Variants in TMEM181 observed in about 807,000 individuals in gnomAD.
The protein encoded by TMEM181 is G protein-coupled receptor 178.
A neutral mutation model predicts 71.9 loss-of-function variants in TMEM181; 39 were observed. That is an observed-to-expected ratio of 0.54 (90% CI 0.42 to 0.71). The LOEUF (loss-of-function observed/expected upper bound fraction) is 0.71. Among genes scored for constraint, TMEM181 ranks in the 30% least tolerant of loss-of-function variants. The pLI, the probability that TMEM181 is intolerant of heterozygous loss-of-function variation, is 0.00. For missense variants in TMEM181, 595 were observed against 583.0 expected (o/e 1.02, Z -0.21); for synonymous variants, 245 against 228.8 (o/e 1.07, Z -0.64).
At chr6:158,602,620 T>C (rs1240462276) in intron 6 of TMEM181, among the ~76,000 whole-genome samples, 1 of 152,194 alleles carries the variant, frequency 6.6e-6, no homozygotes, top group East Asian at 1.9e-4. Context: ...TATGTACTTT[T>C]TTTTTTTTGA....
intron 1 of TMEM181, among the ~76,000 whole-genome samples, chr6:158,563,701 A>G (rs894119): frequency 0.99 from 151,127 of 152,354 alleles, 74,966 homozygotes; most frequent in East Asian, 1. Context: ...TGGGCTTGCA[A>G]TCTGGAAAGG....
chr6:158,605,421 C>G, intron 7 of TMEM181, 74 bp downstream of exon 7: 1 of 1,352,122 alleles, frequency 7.4e-7, no homozygotes, highest in Non-Finnish European at 1.1e-6. Context: ...TTAGGATCTT[C>G]GGTGCAAGCC....
chr6:158,589,860 C>T, intron 6 of TMEM181, 78 bp downstream of exon 6: 1 of 1,033,496 alleles, frequency 9.7e-7, no homozygotes, highest in Non-Finnish European at 1.5e-6. Context: ...TGAAATACAT[C>T]TCAGCATCTA....
At chr6:158,577,878 G>A (rs1783251159) in intron 2 of TMEM181, among the ~76,000 whole-genome samples, 1 of 152,118 alleles carries the variant, frequency 6.6e-6, no homozygotes, top group African/African-American at 2.4e-5. Flanking sequence ...ATCACCTGAG[G>A]TCGGGAGTTC....
rs112439066 is a variant in TMEM181 at position 158,612,418 on chromosome 6, G to A, written c.896+3668G>A. On this transcript the variant is annotated intron_variant, in intron 10 of 16. Coordinates refer to ENST00000684151, the MANE Select transcript of TMEM181 (RefSeq NM_001376852.1). The stretch of plus-strand genomic sequence containing the variant: ...TCGGATTGACTGCGGGAGCAATGCC[G>A]TCTGTAGATGTTTTGGATAGTTGTC... 2.2e-3 allele frequency among the ~76,000 whole-genome samples: 337 copies of A among 152,308 alleles called. 2 individuals carry two copies. Among genetic ancestry groups the A allele is most frequent in the African/African-American group, 7.6e-3 (314 of 41,562 alleles).
In TMEM181 at chr6:158,607,241, C is replaced by T. The variant is rs761460495; in HGVS notation, c.574-3C>T. 12 of 1,613,492 alleles carry T rather than the reference C, an allele frequency of 7.4e-6. No individual in the cohort carries two copies. Among genetic ancestry groups the T allele is most frequent in the Non-Finnish European group, 1.0e-5 (12 of 1,179,576 alleles). On this transcript the variant is annotated splice_region_variant and splice_polypyrimidine_tract_variant and intron_variant, in intron 7 of 16. Coordinates refer to ENST00000684151, the MANE Select transcript of TMEM181 (RefSeq NM_001376852.1). ...GTAACTGGAGGCCTGATTTGGTTTG[C>T]AGTGCCTGTTTGCGCATTCCCTCCG...
At chr6:158,554,912 T>C (rs567097533) in intron 1 of TMEM181, among the ~76,000 whole-genome samples, 1 of 152,222 alleles carries the variant, frequency 6.6e-6, no homozygotes, top group Admixed American at 6.5e-5. Context: ...GGTAATCTAA[T>C]GAAGATGGTG....
chr6:158,630,809 A>G (rs554577806), intron 15 of TMEM181, among the ~76,000 whole-genome samples: 122 of 152,118 alleles, frequency 8.0e-4, no homozygotes, highest in Middle Eastern at 3.4e-3. Context: ...GGAACTCTCT[A>G]GAACATAGGC....
intron 2 of TMEM181, among the ~76,000 whole-genome samples, chr6:158,579,489 A>G (rs546108171): frequency 5.9e-5 from 9 of 152,034 alleles, no homozygotes; most frequent in Non-Finnish European, 1.2e-4. Flanking sequence ...TGGGAGGGAG[A>G]GGTGTGTGGA....
chr6:158,539,420 T>C (rs918001716), intron 1 of TMEM181, among the ~76,000 whole-genome samples: 5 of 152,232 alleles, frequency 3.3e-5, no homozygotes, highest in Admixed American at 1.3e-4. Context: ...CGCATCTGTC[T>C]AGCTGGAAGG....
chr6:158,605,158 G>GTGTA, intron 6 of TMEM181, 109 bp from the exon 7 acceptor site: 1 of 571,558 alleles, frequency 1.7e-6, no homozygotes, highest in Non-Finnish European at 3.1e-6. Context: ...GTGTGTGTGT[G>GTGTA]TATGTGTATA....
intron 15 of TMEM181, 34 bp from the exon 16 acceptor site, chr6:158,631,289 T>A (rs1562318381): frequency 1.2e-6 from 2 of 1,612,606 alleles, no homozygotes; most frequent in Non-Finnish European, 1.7e-6. Context: ...TCACGTCAAT[T>A]GCTTGAGATG....
Position 158,572,834 on chromosome 6 carries a change from G to A in TMEM181, c.9-586G>A, listed in dbSNP as rs1782941827. The stretch of plus-strand genomic sequence containing the variant: ...GGTGGCACAAGGGGAACCTGAAGTT[G>A]TGGAGGACTTGGGATGTGGGCTTGT... On this transcript the variant is annotated intron_variant, in intron 1 of 16. Coordinates refer to ENST00000684151, the MANE Select transcript of TMEM181 (RefSeq NM_001376852.1). Among the ~76,000 whole-genome samples, 4 of 152,304 alleles carry A rather than the reference G, an allele frequency of 2.6e-5. No individual in the cohort carries two copies. The South Asian group carries it at 8.3e-4, about 32-fold the overall frequency.
chr6:158,582,815 C>T (rs1783552956), intron 3 of TMEM181, among the ~76,000 whole-genome samples: 1 of 152,324 alleles, frequency 6.6e-6, no homozygotes. Context: ...TCAAAAGATA[C>T]TGCAGAAGAA....
At chr6:158,582,834 A>G (rs1446915659) in intron 3 of TMEM181, among the ~76,000 whole-genome samples, 1 of 152,204 alleles carries the variant, frequency 6.6e-6, no homozygotes, top group African/African-American at 2.4e-5. Context: ...AATCACTGGC[A>G]ACATCATCAC....
At chr6:158,538,454 C>CT (rs111437459) in intron 1 of TMEM181, among the ~76,000 whole-genome samples, 93 of 143,872 alleles carry the variant, frequency 6.5e-4, no homozygotes, top group East Asian at 2.4e-3. Flanking sequence ...CATGCCTGGC[C>CT]TTTTTTTTTT....
chr6:158,619,515 C>T (rs1785828511), intron 10 of TMEM181, among the ~76,000 whole-genome samples: 2 of 152,142 alleles, frequency 1.3e-5, no homozygotes, highest in African/African-American at 2.4e-5. Flanking sequence ...CAAAGTCATT[C>T]AGAGGAAGGA....
At chr6:158,622,159 G>A (rs1785999218) in intron 10 of TMEM181, among the ~76,000 whole-genome samples, 1 of 152,192 alleles carries the variant, frequency 6.6e-6, no homozygotes. Context: ...CCTCTGGTAT[G>A]TTTTTCTCTA....
At chr6:158,571,930 G>T (rs1354162062) in intron 1 of TMEM181, among the ~76,000 whole-genome samples, 2 of 152,204 alleles carry the variant, frequency 1.3e-5, no homozygotes, top group African/African-American at 4.8e-5. Context: ...GATCTGTCAG[G>T]CCCCAGAGCT....
Sources: allele counts gnomAD v4.1 joint callset (sites outside exome capture counted in the v4.1 genomes callset), GRCh38; gene constraint gnomAD v4.1.1; transcripts MANE v1.5; gene names NCBI Gene and HGNC (gene_info 2026-07-23, HGNC 2026-07-21).